Variants in ADCY2 observed in about 807,000 individuals in gnomAD.
The protein encoded by ADCY2 is adenylate cyclase type 2.
A neutral mutation model predicts 125.2 loss-of-function variants in ADCY2; 31 were observed. That is an observed-to-expected ratio of 0.25 (90% CI 0.19 to 0.33). The LOEUF (loss-of-function observed/expected upper bound fraction) is 0.33, where lower values mean the gene tolerates loss of function less well. ADCY2 is among the 10% of genes least tolerant of loss of function. The probability of loss-of-function intolerance (pLI) is 1.00; values close to 1 mark genes in which losing one functional copy is unlikely to be tolerated. For synonymous variants in ADCY2, 512 were observed against 548.4 expected (o/e 0.93, Z 0.93); for missense variants, 904 against 1,418.2 (o/e 0.64, Z 5.82).
rs537089024 is a variant in ADCY2 at position 7,822,921 on chromosome 5, T to C, written c.3123+2232T>C. Reference sequence around the variant, plus strand: ...CCTCTGGGCTTTTGATAAATCCCTATAGTGTGTGTCTCAGCTTAGCCAAGA... The same window carrying C: ...CCTCTGGGCTTTTGATAAATCCCTACAGTGTGTGTCTCAGCTTAGCCAAGA... On this transcript the variant is annotated intron_variant, in intron 24 of 24. Coordinates refer to ENST00000338316, the MANE Select transcript of ADCY2 (RefSeq NM_020546.3). Among the ~76,000 whole-genome samples the C allele has an allele frequency of 5.2e-4, 79 of 152,338 alleles. 1 individual carries two copies. The South Asian group carries it at 0.016, about 30-fold the overall frequency.
At chr5:7,640,945 T>C (rs967491163) in intron 4 of ADCY2, among the ~76,000 whole-genome samples, 9 of 152,350 alleles carry the variant, frequency 5.9e-5, no homozygotes, top group African/African-American at 1.9e-4. Context: ...GCTTTTCTGA[T>C]GCCTCAAAGA....
chr5:7,599,654 TG>T (rs956588032), intron 3 of ADCY2, among the ~76,000 whole-genome samples: 6 of 152,042 alleles, frequency 3.9e-5, no homozygotes, highest in Non-Finnish European at 5.9e-5. Flanking sequence ...GTATCAACCA[TG>T]GGAGCCAACA....
intron 14 of ADCY2, among the ~76,000 whole-genome samples, chr5:7,731,726 C>T (rs1553982235): frequency 6.6e-6 from 1 of 152,114 alleles, no homozygotes; most frequent in Non-Finnish European, 1.5e-5. Context: ...GCCTCAGCCT[C>T]CTGAGTAGCT....
At chr5:7,609,020 A>T (rs1252580481) in intron 3 of ADCY2, among the ~76,000 whole-genome samples, 1 of 152,096 alleles carries the variant, frequency 6.6e-6, no homozygotes, top group African/African-American at 2.4e-5. Flanking sequence ...CTTTCTTTAG[A>T]TGTTTTAGTT....
intron 22 of ADCY2, among the ~76,000 whole-genome samples, chr5:7,806,599 A>AGG (rs575941695): frequency 2.4e-3 from 365 of 152,088 alleles, no homozygotes; most frequent in South Asian, 4.2e-3. Flanking sequence ...CCTCCCATGG[A>AGG]GGGGAGAGAG....
At chr5:7,499,648 GAT>G (rs70940741) in intron 2 of ADCY2, among the ~76,000 whole-genome samples, 5,750 of 118,116 alleles carry the variant, frequency 0.049, 167 homozygotes, top group East Asian at 0.19. Context: ...TATGTGGGTG[GAT>G]ATATATATAT....
At chr5:7,769,634 A>G (rs1284653945) in intron 17 of ADCY2, among the ~76,000 whole-genome samples, 3 of 152,204 alleles carry the variant, frequency 2.0e-5, no homozygotes, top group African/African-American at 7.2e-5. Context: ...TCCTTTTAAA[A>G]TACCCAAATT....
chr5:7,414,005 G>A (rs932222837), intron 1 of ADCY2, among the ~76,000 whole-genome samples: 2 of 151,890 alleles, frequency 1.3e-5, no homozygotes, highest in Non-Finnish European at 2.9e-5. Flanking sequence ...CAAACATGGC[G>A]CCCTCCTGTA....
At chr5:7,432,078 G>A (rs1339833998) in intron 2 of ADCY2, among the ~76,000 whole-genome samples, 1 of 152,132 alleles carries the variant, frequency 6.6e-6, no homozygotes, top group African/African-American at 2.4e-5. Context: ...TTGAACGTTG[G>A]AAAGAAGTGT....
chr5:7,724,019 C>T (rs1741854134), intron 12 of ADCY2, among the ~76,000 whole-genome samples: 1 of 140,106 alleles, frequency 7.1e-6, no homozygotes, highest in African/African-American at 2.6e-5. Flanking sequence ...AAAGTATTTT[C>T]ACTAAGTCTG....
Position 7,767,485 on chromosome 5 carries a change from G to A in ADCY2, c.2214+679G>A, listed in dbSNP as rs145261887. Among the ~76,000 whole-genome samples, 830 of 152,164 alleles carry A rather than the reference G, an allele frequency of 5.5e-3. 6 individuals are homozygous for A. The highest frequency in any genetic ancestry group is 0.019 in the African/African-American group (788 of 41,502). On this transcript the variant is annotated intron_variant, in intron 17 of 24. Coordinates refer to ENST00000338316, the MANE Select transcript of ADCY2 (RefSeq NM_020546.3). Reference sequence around the variant, plus strand: ...TCTGAAAGTAGTGCAGATTATGCTCGTTTAGTTTCCGTGTCAAATAATGGG... The same window carrying A: ...TCTGAAAGTAGTGCAGATTATGCTCATTTAGTTTCCGTGTCAAATAATGGG...
At chr5:7,457,855 T>C (rs1741754302) in intron 2 of ADCY2, among the ~76,000 whole-genome samples, 1 of 152,210 alleles carries the variant, frequency 6.6e-6, no homozygotes, top group Non-Finnish European at 1.5e-5. Context: ...CGTCCTGTTA[T>C]CAGTGAGGAT....
intron 4 of ADCY2, chr5:7,654,317 G>T: frequency 2.8e-6 from 1 of 360,708 alleles, no homozygotes; most frequent in Non-Finnish European, 5.4e-6. Flanking sequence ...CCTCACTGCA[G>T]CACAGGGAGG....
intron 4 of ADCY2, among the ~76,000 whole-genome samples, chr5:7,683,809 G>A (rs1488008373): frequency 6.6e-6 from 1 of 152,188 alleles, no homozygotes; most frequent in Non-Finnish European, 1.5e-5. Context: ...AAAATATTCT[G>A]TTTTGCTCCT....
intron 2 of ADCY2, among the ~76,000 whole-genome samples, chr5:7,508,818 G>T (rs1743946160): frequency 6.6e-6 from 1 of 152,150 alleles, no homozygotes; most frequent in Non-Finnish European, 1.5e-5. Context: ...TCGTCCTCAT[G>T]TTGGCCAAGA....
At chr5:7,420,449 G>A (rs757419302) in intron 2 of ADCY2, among the ~76,000 whole-genome samples, 5 of 152,112 alleles carry the variant, frequency 3.3e-5, no homozygotes, top group Non-Finnish European at 5.9e-5. Flanking sequence ...TGGTTTGGGA[G>A]GAGTCACTGG....
At chr5:7,777,801 G>A (rs191635898) in intron 18 of ADCY2, among the ~76,000 whole-genome samples, 165 of 152,288 alleles carry the variant, frequency 1.1e-3, no homozygotes, top group African/African-American at 3.6e-3. Flanking sequence ...TAAGAAAATG[G>A]TATTTAAGAC....
intron 3 of ADCY2, among the ~76,000 whole-genome samples, chr5:7,578,066 G>A (rs1348423110): frequency 6.6e-6 from 1 of 152,170 alleles, no homozygotes; most frequent in East Asian, 1.9e-4. Context: ...TTTCAACAGA[G>A]CTCCCTCCAG....
intron 1 of ADCY2, among the ~76,000 whole-genome samples, chr5:7,403,647 A>G (rs1210558212): frequency 6.6e-6 from 1 of 152,138 alleles, no homozygotes; most frequent in African/African-American, 2.4e-5. Flanking sequence ...CTATCCTCAA[A>G]TGTAAACTTC....
Sources: allele counts gnomAD v4.1 joint callset (sites outside exome capture counted in the v4.1 genomes callset), GRCh38; gene constraint gnomAD v4.1.1; transcripts MANE v1.5; gene names NCBI Gene and HGNC (gene_info 2026-07-23, HGNC 2026-07-21).